GRIA3: variants seen among roughly 807,000 people sequenced by gnomAD.
The protein encoded by GRIA3 is glutamate receptor 3.
GRIA3 carries 3 observed loss-of-function variants against 63.0 expected under a neutral mutation model. That is an observed-to-expected ratio of 0.05 (90% CI 0.02 to 0.12). The LOEUF (loss-of-function observed/expected upper bound fraction) is 0.12, where lower values mean the gene tolerates loss of function less well. Ranked by LOEUF, GRIA3 falls within the 10% of genes least tolerant of loss-of-function variation. The probability of loss-of-function intolerance (pLI) is 1.00; values close to 1 mark genes in which losing one functional copy is unlikely to be tolerated. For synonymous variants in GRIA3, 274 were observed against 257.9 expected, an observed-to-expected ratio of 1.06 and a Z score of -0.60; for missense variants, 347 against 700.9, an observed-to-expected ratio of 0.50 and a Z score of 5.70.
rs556926418 is a variant in GRIA3, at chrX:123,353,020, T to TACACAC, written c.697-1860_697-1855dup. 6.2e-3 allele frequency among the ~76,000 whole-genome samples: 542 copies of TACACAC among 87,763 alleles called. 1 individual carries two copies. The highest frequency in any genetic ancestry group is 0.011 in the South Asian group (18 of 1,608). The allele number at this position is 87,763 out of a possible 115,157, so 76.2% of individuals were successfully genotyped here. A position where few individuals can be genotyped will look rare whatever the true frequency, so the allele number is the denominator to read the frequency against. On this transcript the variant is annotated intron_variant, in intron 4 of 15. Coordinates refer to ENST00000620443, the MANE Select transcript of GRIA3 (RefSeq NM_007325.5). ...TCTTGTCCTCTCTCTCTCTCTCTCATACACACACACACACACACACACACA... is the reference window on the plus strand; with the variant it reads ...TCTTGTCCTCTCTCTCTCTCTCTCATACACACACACACACACACACACACACACACA...
chrX:123,421,953 A>C (rs780961731), intron 11 of GRIA3, among the ~76,000 whole-genome samples: 1 of 111,795 alleles, frequency 8.9e-6, no homozygotes, highest in African/African-American at 3.2e-5. Context: ...AGACAAGGGA[A>C]CAGCACCCGA....
At chrX:123,442,012 T>C (rs935254101) in intron 12 of GRIA3, among the ~76,000 whole-genome samples, 1 of 112,492 alleles carries the variant, frequency 8.9e-6, no homozygotes, top group Non-Finnish European at 1.9e-5. Context: ...CCATGGTCAA[T>C]AACCAAGGAA....
At chrX:123,339,317 C>T (rs2044994569) in intron 4 of GRIA3, among the ~76,000 whole-genome samples, 1 of 112,216 alleles carries the variant, frequency 8.9e-6, no homozygotes. Context: ...TATGCACAAT[C>T]CTTTCCAGTA....
chrX:123,346,148 G>A (rs1018769776), intron 4 of GRIA3, among the ~76,000 whole-genome samples: 4 of 111,632 alleles, frequency 3.6e-5, no homozygotes, highest in Non-Finnish European at 7.5e-5. Flanking sequence ...AGTCTAGCCT[G>A]TACTCTTGAC....
rs7892012 is a variant in GRIA3 at position 123,427,532 on chromosome X, A to T, written c.1878-409A>T. ...TGTGGAAGCAGGAGATGGTAAAAAAAATATATATTTTTTCCTGTAATTAAA... is the reference window on the plus strand; with the variant it reads ...TGTGGAAGCAGGAGATGGTAAAAAATATATATATTTTTTCCTGTAATTAAA... On this transcript the variant is annotated intron_variant, in intron 11 of 15. Coordinates refer to ENST00000620443, the MANE Select transcript of GRIA3 (RefSeq NM_007325.5). Among the ~76,000 whole-genome samples, 624 of 111,259 alleles carry T rather than the reference A, an allele frequency of 5.6e-3. 6 individuals are homozygous for T. Among genetic ancestry groups the T allele is most frequent in the African/African-American group, 0.018 (548 of 30,559 alleles).
intron 3 of GRIA3, among the ~76,000 whole-genome samples, chrX:123,293,922 G>C (rs1490717685): frequency 9.1e-6 from 1 of 109,944 alleles, no homozygotes; most frequent in Admixed American, 9.8e-5. Context: ...ATAAAGCAGA[G>C]ACAAGGGATA....
At chrX:123,323,113 C>T (rs950455065) in intron 3 of GRIA3, among the ~76,000 whole-genome samples, 8 of 111,696 alleles carry the variant, frequency 7.2e-5, no homozygotes, top group African/African-American at 2.6e-4. Flanking sequence ...GAAAATAATA[C>T]CTGCTTCTTG....
At chrX:123,472,238 G>A (rs2045867615) in intron 13 of GRIA3, among the ~76,000 whole-genome samples, 1 of 106,110 alleles carries the variant, frequency 9.4e-6, no homozygotes, top group South Asian at 4.4e-4. Flanking sequence ...GAATAAAGAG[G>A]ATGTTGGCAC....
At chrX:123,414,124 A>C (rs1351829782) in intron 10 of GRIA3, among the ~76,000 whole-genome samples, 1 of 112,140 alleles carries the variant, frequency 8.9e-6, no homozygotes, top group Non-Finnish European at 1.9e-5. Context: ...TGGTGTTGAT[A>C]TCAAGACAGT....
intron 2 of GRIA3, among the ~76,000 whole-genome samples, chrX:123,249,670 C>T (rs1326615910): frequency 1.8e-5 from 2 of 111,570 alleles, no homozygotes; most frequent in Non-Finnish European, 3.8e-5. Context: ...TCCTGATTTT[C>T]ACCTAAAACT....
chrX:123,438,431 C>T (rs753138421), intron 12 of GRIA3, among the ~76,000 whole-genome samples: 2 of 112,732 alleles, frequency 1.8e-5, no homozygotes, highest in African/African-American at 6.4e-5. Flanking sequence ...CATTGGCATA[C>T]AAACATCTGT....
chrX:123,474,779 T>C (rs2045879708), intron 13 of GRIA3, among the ~76,000 whole-genome samples: 1 of 111,442 alleles, frequency 9.0e-6, no homozygotes, highest in Admixed American at 9.5e-5. Flanking sequence ...TGTCTCCATA[T>C]GTAAGGTTGG....
chrX:123,193,656 C>A (rs1437075030), intron 2 of GRIA3, among the ~76,000 whole-genome samples: 1 of 111,925 alleles, frequency 8.9e-6, no homozygotes. Flanking sequence ...AGCAAAATTC[C>A]CCAGAAAAAT....
chrX:123,466,765 C>T lies in GRIA3; in HGVS notation c.2324+1653C>T, dbSNP rs138208191. Reference sequence around the variant, plus strand: ...GCATGTAAACTCACCTCTTGTACGACCAAGATCCCATGGGCATCTTAAGGT... The same window carrying T: ...GCATGTAAACTCACCTCTTGTACGATCAAGATCCCATGGGCATCTTAAGGT... On this transcript the variant is annotated intron_variant, in intron 13 of 15. Coordinates refer to ENST00000620443, the MANE Select transcript of GRIA3 (RefSeq NM_007325.5). Among the ~76,000 whole-genome samples the T allele has an allele frequency of 4.3e-3, 479 of 112,425 alleles. 1 individual carries two copies. The highest frequency in any genetic ancestry group is 5.0e-3 in the Non-Finnish European group (265 of 53,267).
chrX:123,363,527 C>T (rs758232299), intron 5 of GRIA3, among the ~76,000 whole-genome samples: 1 of 112,299 alleles, frequency 8.9e-6, no homozygotes, highest in Non-Finnish European at 1.9e-5. Flanking sequence ...ACTGAATTGT[C>T]GGGCTATTCT....
At chrX:123,375,641 G>A (rs1238351426) in intron 5 of GRIA3, among the ~76,000 whole-genome samples, 9 of 111,535 alleles carry the variant, frequency 8.1e-5, no homozygotes, top group Non-Finnish European at 1.7e-4. Context: ...AAATAATCCA[G>A]TCTCAGTTTT....
At chrX:123,202,750 G>A in intron 2 of GRIA3, 2 of 1,166,400 alleles carry the variant, frequency 1.7e-6, no homozygotes, top group Non-Finnish European at 2.3e-6. Context: ...TCACCAGGTG[G>A]GGCCCGCCAA....
intron 13 of GRIA3, among the ~76,000 whole-genome samples, chrX:123,468,895 G>A (rs190696446): frequency 8.9e-6 from 1 of 112,801 alleles, no homozygotes; most frequent in East Asian, 2.8e-4. Context: ...ATAAATCTCT[G>A]CTGACTTTCA....
chrX:123,395,080 T>C lies in GRIA3; in HGVS notation c.863T>C (p.Val288Ala). The part of the protein sequence containing the change: ...PMVQQFIQRW[V>A]RLDEREFPEA... ...GTTCAGCAGTTCATACAGCGCTGGG[T>C]GAGGCTGGATGAAAGGGAATTCCCT... is the stretch of plus-strand genomic sequence containing the variant. Residue 288 changes from valine (V) to alanine (A), a missense_variant, in exon 6 of 16, where the codon GTG (valine) becomes GCG (alanine). Physicochemically the swap from Val to Ala is moderately conservative, Grantham distance 64. Transcript: ENST00000620443. 1 of 1,206,136 alleles carries C rather than the reference T, an allele frequency of 8.3e-7. No homozygotes were observed. Among genetic ancestry groups the C allele is most frequent in the South Asian group, 1.8e-5 (1 of 56,817 alleles).
Sources: gnomAD v4.1 joint callset for allele counts (sites outside exome capture counted in the v4.1 genomes callset) on GRCh38, gnomAD v4.1.1 for gene constraint, MANE v1.5 for transcripts, NCBI Gene and HGNC (gene_info 2026-07-23, HGNC 2026-07-21) for gene names.